The following PLXDC2 variants were observed in gnomAD, a reference collection of about 807,000 sequenced individuals.
PLXDC2 encodes the protein plexin domain containing 2.
Under a neutral mutation model 68.9 loss-of-function variants are expected in PLXDC2, and 40 were observed. The observed-to-expected ratio is 0.58, with a 90% confidence interval of 0.45 to 0.76. PLXDC2 has a LOEUF of 0.76. PLXDC2 is among the 30% of genes least tolerant of loss of function. PLXDC2 has a pLI of 0.00. For synonymous variants in PLXDC2, 243 were observed against 234.2 expected (o/e 1.04, Z -0.34); for missense variants, 644 against 661.9 (o/e 0.97, Z 0.30).
intron 1 of PLXDC2, among the ~76,000 whole-genome samples, chr10:19,966,446 A>AAT (rs1241649225): frequency 6.4e-5 from 4 of 62,766 alleles, no homozygotes; most frequent in African/African-American, 6.6e-5. Flanking sequence ...ATATATATAA[A>AAT]ACATGTGTGT....
chr10:20,088,377 A>G (rs1418457318), intron 4 of PLXDC2, among the ~76,000 whole-genome samples: 1 of 152,142 alleles, frequency 6.6e-6, no homozygotes, highest in African/African-American at 2.4e-5. Flanking sequence ...TGAATAAGGT[A>G]TTTTTCTTGG....
At chr10:19,996,170 G>A (rs1235533916) in intron 1 of PLXDC2, among the ~76,000 whole-genome samples, 1 of 152,220 alleles carries the variant, frequency 6.6e-6, no homozygotes, top group East Asian at 1.9e-4. Context: ...GCTGGGCACC[G>A]TGGCTCACTT....
intron 4 of PLXDC2, among the ~76,000 whole-genome samples, chr10:20,093,109 C>T (rs1833301332): frequency 6.6e-6 from 1 of 152,110 alleles, no homozygotes; most frequent in African/African-American, 2.4e-5. Context: ...ATCATTTCTT[C>T]TGTCCTTATA....
At chr10:20,166,645 T>G (rs1564339595) in intron 7 of PLXDC2, among the ~76,000 whole-genome samples, 1 of 152,152 alleles carries the variant, frequency 6.6e-6, no homozygotes, top group Non-Finnish European at 1.5e-5. Context: ...AAAAAAATTA[T>G]TTGCGGCTTA....
At chr10:20,154,909 A>G (rs920600944) in intron 6 of PLXDC2, among the ~76,000 whole-genome samples, 2 of 152,112 alleles carry the variant, frequency 1.3e-5, no homozygotes, top group African/African-American at 4.8e-5. Context: ...AGAAGAGACA[A>G]GACTGGCTTA....
At chr10:19,860,080 T>C (rs761301035) in intron 1 of PLXDC2, among the ~76,000 whole-genome samples, 2 of 152,180 alleles carry the variant, frequency 1.3e-5, no homozygotes, top group African/African-American at 2.4e-5. Flanking sequence ...AAATGTGTCA[T>C]ACAGATAAAA....
intron 4 of PLXDC2, among the ~76,000 whole-genome samples, chr10:20,087,219 T>A: frequency 6.6e-6 from 1 of 152,210 alleles, no homozygotes; most frequent in South Asian, 2.1e-4. Context: ...GCCCCAGAAT[T>A]GTATCTGAGA....
intron 1 of PLXDC2, among the ~76,000 whole-genome samples, chr10:19,828,719 GT>G (rs1461830083): frequency 2.6e-5 from 4 of 152,264 alleles, no homozygotes; most frequent in Admixed American, 2.6e-4. Context: ...TTGTCAAGCT[GT>G]TTTTAGAAGA....
chr10:20,271,132 G>GACACACACACAT (rs372504677), intron 13 of PLXDC2, among the ~76,000 whole-genome samples: 9,551 of 97,692 alleles, frequency 0.098, 360 homozygotes, highest in African/African-American at 0.12. Context: ...ACAAAAAACA[G>GACACACACACAT]ACACACACAC....
chr10:19,848,864 A>G (rs1217148215), intron 1 of PLXDC2, among the ~76,000 whole-genome samples: 1 of 152,108 alleles, frequency 6.6e-6, no homozygotes, highest in Non-Finnish European at 1.5e-5. Flanking sequence ...TCATCTCATG[A>G]AAAGAAGCTT....
chr10:20,253,738 T>G (rs1375764774), intron 13 of PLXDC2, among the ~76,000 whole-genome samples: 1 of 152,154 alleles, frequency 6.6e-6, no homozygotes, highest in Non-Finnish European at 1.5e-5. Flanking sequence ...TGTTTTATCT[T>G]AAAAATTTAT....
intron 1 of PLXDC2, among the ~76,000 whole-genome samples, chr10:19,838,748 A>AT (rs1836847645): frequency 1.3e-5 from 2 of 152,230 alleles, no homozygotes; most frequent in Non-Finnish European, 2.9e-5. Flanking sequence ...AATAAGTGTG[A>AT]TATAATTGCT....
At chr10:19,859,116 T>C (rs1837271235) in intron 1 of PLXDC2, among the ~76,000 whole-genome samples, 1 of 151,700 alleles carries the variant, frequency 6.6e-6, no homozygotes, top group East Asian at 2.0e-4. Context: ...GAGTGATAAT[T>C]CACTTACTCC....
chr10:19,823,569 G>C (rs1355889139), intron 1 of PLXDC2, among the ~76,000 whole-genome samples: 1 of 151,986 alleles, frequency 6.6e-6, no homozygotes, highest in Non-Finnish European at 1.5e-5. Context: ...TGTAGTCCCA[G>C]CTACTCAGGA....
At chr10:19,913,639 A>G (rs1460680708) in intron 1 of PLXDC2, among the ~76,000 whole-genome samples, 1 of 152,116 alleles carries the variant, frequency 6.6e-6, no homozygotes, top group Non-Finnish European at 1.5e-5. Context: ...CTCTCGCTTC[A>G]CTGTAGTGTT....
At chr10:20,030,516 T>G (rs6482077) in intron 2 of PLXDC2, among the ~76,000 whole-genome samples, 1 of 152,104 alleles carries the variant, frequency 6.6e-6, no homozygotes, top group Non-Finnish European at 1.5e-5. Flanking sequence ...ACAGTTTGCA[T>G]ACCAAGGAGA....
intron 2 of PLXDC2, among the ~76,000 whole-genome samples, chr10:20,041,712 G>T (rs1835686709): frequency 6.6e-6 from 1 of 152,060 alleles, no homozygotes; most frequent in Non-Finnish European, 1.5e-5. Flanking sequence ...GTGGCTTAAA[G>T]AACAGAAATA....
intron 9 of PLXDC2, among the ~76,000 whole-genome samples, chr10:20,196,042 C>T (rs1381490306): frequency 1.3e-5 from 2 of 152,114 alleles, no homozygotes; most frequent in East Asian, 1.9e-4. Context: ...GTCAAGAATT[C>T]TTAAGAAAGG....
intron 3 of PLXDC2, among the ~76,000 whole-genome samples, chr10:20,065,725 A>G (rs1836196776): frequency 6.6e-6 from 1 of 152,218 alleles, no homozygotes; most frequent in African/African-American, 2.4e-5. Flanking sequence ...CATGCAACCT[A>G]GATCCCTCGC....
Sources: allele counts gnomAD v4.1 joint callset (sites outside exome capture counted in the v4.1 genomes callset), GRCh38; gene constraint gnomAD v4.1.1; transcripts MANE v1.5; gene names NCBI Gene and HGNC (gene_info 2026-07-23, HGNC 2026-07-21).